The following MYO10 variants were observed in gnomAD, a reference collection of about 807,000 sequenced individuals.
MYO10 encodes the protein myosin X, also known as unconventional myosin-X.
A neutral mutation model predicts 257.3 loss-of-function variants in MYO10; 133 were observed. The observed-to-expected ratio is 0.52, with a 90% CI of 0.45 to 0.60. The LOEUF is 0.60. MYO10 is among the 20% of genes least tolerant of loss of function. The probability of loss-of-function intolerance (pLI) is 0.00; values close to 1 mark genes in which losing one functional copy is unlikely to be tolerated. For synonymous variants in MYO10, 1,104 were observed against 1,028.6 expected (o/e 1.07, Z -1.40); for missense variants, 2,399 against 2,635.7 (o/e 0.91, Z 1.97).
chr5:16,909,767 A>C (rs1451156264), intron 1 of MYO10, among the ~76,000 whole-genome samples: 1 of 152,050 alleles, frequency 6.6e-6, no homozygotes, highest in African/African-American at 2.4e-5. Flanking sequence ...GCCTGGTGGG[A>C]AGTGTTCATG....
chr5:16,676,534 G>GT (rs777121505), intron 33 of MYO10, among the ~76,000 whole-genome samples: 1 of 152,188 alleles, frequency 6.6e-6, no homozygotes, highest in Non-Finnish European at 1.5e-5. Flanking sequence ...GACCAACATG[G>GT]TGAAACCCTG....
chr5:16,800,797 G>C (rs939516233), intron 3 of MYO10, among the ~76,000 whole-genome samples: 3 of 152,188 alleles, frequency 2.0e-5, no homozygotes, highest in African/African-American at 7.2e-5. Flanking sequence ...TTTCCTCCAA[G>C]GGCCACTATG....
At chr5:16,803,244 C>T (rs529033325) in intron 3 of MYO10, among the ~76,000 whole-genome samples, 2 of 152,168 alleles carry the variant, frequency 1.3e-5, no homozygotes, top group South Asian at 4.1e-4. Context: ...GCACTAATGT[C>T]AAAACCCTGT....
chr5:16,743,690 G>T (rs769416771), intron 19 of MYO10, among the ~76,000 whole-genome samples: 1 of 152,000 alleles, frequency 6.6e-6, no homozygotes, highest in African/African-American at 2.4e-5. Flanking sequence ...TTTGACCAGG[G>T]AATCAGAAAC....
At chr5:16,724,883 T>C (rs1003388587) in intron 19 of MYO10, among the ~76,000 whole-genome samples, 2 of 152,200 alleles carry the variant, frequency 1.3e-5, no homozygotes, top group African/African-American at 2.4e-5. Context: ...CTGTGTCTCC[T>C]TCAGGCACAG....
Position 16,823,467 on chromosome 5 carries a change from G to GTTTTTTTTTT in MYO10, c.121-5301_121-5300insAAAAAAAAAA. 1.8e-3 allele frequency among the ~76,000 whole-genome samples: 7 copies of GTTTTTTTTTT among 3,986 alleles called. 1 individual carries two copies. Among genetic ancestry groups the GTTTTTTTTTT allele is most frequent in the Admixed American group, 5.4e-3 (3 of 560 alleles). 2.6% of individuals were successfully genotyped at this position (3,986 alleles called of 152,430 possible). A position where few individuals can be genotyped will look rare whatever the true frequency, so the allele number is the denominator to read the frequency against. The stretch of plus-strand genomic sequence containing the variant: ...CTTGCGCGGGGGGGGGGGGAGTGGG[G>GTTTTTTTTTT]ATTTTTTTTTTTTTTTTTTTGTGAG... On this transcript the variant is annotated intron_variant, in intron 2 of 40. Transcript: ENST00000513610.
At chr5:16,816,228 A>G (rs2126702601) in intron 3 of MYO10, among the ~76,000 whole-genome samples, 1 of 150,968 alleles carries the variant, frequency 6.6e-6, no homozygotes. Flanking sequence ...AGTCCCAGCT[A>G]CTCGGGAGGC....
intron 4 of MYO10, among the ~76,000 whole-genome samples, chr5:16,791,501 A>G (rs113342530): frequency 6.6e-6 from 1 of 151,964 alleles, no homozygotes; most frequent in Non-Finnish European, 1.5e-5. Flanking sequence ...CCTTATTTTT[A>G]AATACCATGA....
chr5:16,671,324 C>A, intron 38 of MYO10, 98 bp downstream of exon 38: 1 of 1,416,900 alleles, frequency 7.1e-7, no homozygotes. Context: ...CACAGGTGTG[C>A]CTCATTTCTA....
At chr5:16,860,386 A>G (rs1444856318) in intron 2 of MYO10, among the ~76,000 whole-genome samples, 1 of 152,144 alleles carries the variant, frequency 6.6e-6, no homozygotes, top group Non-Finnish European at 1.5e-5. Flanking sequence ...CAAAGTACCC[A>G]CTGAGTCAGT....
chr5:16,774,999 C>A (rs60507141), intron 9 of MYO10, among the ~76,000 whole-genome samples: 3,710 of 152,224 alleles, frequency 0.024, 156 homozygotes, highest in African/African-American at 0.084. Flanking sequence ...GTGCCAGGCA[C>A]GCTGTAAACA....
chr5:16,785,288 C>A (rs1227740662), intron 4 of MYO10, among the ~76,000 whole-genome samples: 2 of 152,184 alleles, frequency 1.3e-5, no homozygotes, highest in Non-Finnish European at 2.9e-5. Flanking sequence ...CTGGCATCTG[C>A]TCGGCCCAGT....
rs25901 is a variant in MYO10, at chr5:16,673,866, C to T, written c.4988G>A (p.Ser1663Asn). ...LKRIREQFPG[S>N]EMEKYALFTY... The stretch of plus-strand genomic sequence containing the variant: ...GAAGAGAGCGTATTTTTCCATCTCG[C>T]TTCCTGGAAACTGTTCCCGTATCCT... The change falls in exon 36 of 41, where the codon AGC (serine) becomes AAC (asparagine). Residue 1663 changes from serine to asparagine, a missense_variant. Ser to Asn is a conservative substitution (Grantham distance 46, BLOSUM62 1). Coordinates refer to ENST00000513610, the MANE Select transcript of MYO10 (RefSeq NM_012334.3). 1 of 1,613,806 alleles carries T rather than the reference C, an allele frequency of 6.2e-7. No homozygotes were observed. Among genetic ancestry groups the T allele is most frequent in the Non-Finnish European group, 8.5e-7 (1 of 1,179,846 alleles).
rs533286763 is a variant in MYO10, at chr5:16,853,096, C to G, written c.120+24513G>C. 2.6e-5 allele frequency among the ~76,000 whole-genome samples: 4 copies of G among 152,074 alleles called. No individual in the cohort carries two copies. The East Asian group carries it at 7.7e-4, about 29-fold the overall frequency. On this transcript the variant is annotated intron_variant, in intron 2 of 40. Coordinates refer to ENST00000513610, the MANE Select transcript of MYO10 (RefSeq NM_012334.3). ...AAATCATGATCATATGTTGGCCGGG[C>G]GCGGCGGCTCACGCCTGTAATCCCA... is the stretch of plus-strand genomic sequence containing the variant.
chr5:16,792,261 T>C (rs1223114305), intron 4 of MYO10, among the ~76,000 whole-genome samples: 1 of 149,280 alleles, frequency 6.7e-6, no homozygotes, highest in Non-Finnish European at 1.5e-5. Flanking sequence ...ACAAAAAAGA[T>C]AACGGGTAAA....
chr5:16,803,363 G>C (rs1488547330), intron 3 of MYO10, among the ~76,000 whole-genome samples: 1 of 152,104 alleles, frequency 6.6e-6, no homozygotes, highest in Non-Finnish European at 1.5e-5. Context: ...AGGAGGCAGA[G>C]GTTGCATTGA....
chr5:16,867,311 C>T (rs936769859), intron 2 of MYO10, among the ~76,000 whole-genome samples: 1 of 152,156 alleles, frequency 6.6e-6, no homozygotes, highest in Non-Finnish European at 1.5e-5. Flanking sequence ...AGGCTGTCCC[C>T]TACTGACCAT....
intron 33 of MYO10, among the ~76,000 whole-genome samples, chr5:16,676,752 T>C (rs1736743537): frequency 6.6e-6 from 1 of 152,202 alleles, no homozygotes; most frequent in Non-Finnish European, 1.5e-5. Flanking sequence ...GGCTCATGCC[T>C]GTGCATTTTG....
chr5:16,771,251 T>C (rs2126659135), intron 9 of MYO10, among the ~76,000 whole-genome samples: 1 of 152,136 alleles, frequency 6.6e-6, no homozygotes, highest in Non-Finnish European at 1.5e-5. Context: ...AAGGTAAATA[T>C]GAGATCAGTT....
Sources: allele counts gnomAD v4.1 joint callset (sites outside exome capture counted in the v4.1 genomes callset), GRCh38; gene constraint gnomAD v4.1.1; transcripts MANE v1.5; gene names NCBI Gene and HGNC (gene_info 2026-07-23, HGNC 2026-07-21).